Variants in AOPEP observed in about 807,000 individuals in gnomAD.
AOPEP encodes aminopeptidase O (putative).
Under a neutral mutation model 98.1 loss-of-function variants are expected in AOPEP, and 77 were observed. That is an observed-to-expected ratio of 0.78 (90% confidence interval 0.65 to 0.95). The LOEUF (loss-of-function observed/expected upper bound fraction) is 0.95, where lower values mean the gene tolerates loss of function less well. Among genes scored for constraint, AOPEP ranks in the 40% least tolerant of loss-of-function variants. AOPEP has a pLI of 0.00. For missense variants in AOPEP, 1,024 were observed against 1,024.7 expected, an observed-to-expected ratio of 1.00 and a Z score of 0.01; for synonymous variants, 346 against 365.3, an observed-to-expected ratio of 0.95 and a Z score of 0.60.
At chr9:95,131,015 C>T in the AOPEP span, among the ~76,000 whole-genome samples, 2 of 152,134 alleles carry the variant, frequency 1.3e-5, no homozygotes, top group African/African-American at 4.8e-5. Flanking sequence ...TGTTTTAAAA[C>T]ATTCAGGTTC....
chr9:94,783,233 G>A (rs1334455807), intron 3 of AOPEP, among the ~76,000 whole-genome samples: 1 of 152,172 alleles, frequency 6.6e-6, no homozygotes, highest in Admixed American at 6.5e-5. Context: ...AGCAGATGGC[G>A]CTCTTTTACC....
intron 13 of AOPEP, among the ~76,000 whole-genome samples, chr9:95,018,178 G>A (rs995565888): frequency 1.3e-5 from 2 of 152,120 alleles, no homozygotes; most frequent in African/African-American, 4.8e-5. Flanking sequence ...CTATATGGCA[G>A]GTATATGTTT....
At chr9:95,146,265 C>T in the AOPEP span, among the ~76,000 whole-genome samples, 4 of 151,902 alleles carry the variant, frequency 2.6e-5, no homozygotes, top group African/African-American at 4.8e-5. Context: ...GACAGGCAGA[C>T]TCCTTGAGCC....
chr9:95,039,825 A>G (rs1315771442), intron 13 of AOPEP, among the ~76,000 whole-genome samples: 1 of 152,166 alleles, frequency 6.6e-6, no homozygotes, highest in African/African-American at 2.4e-5. Flanking sequence ...ATTTATTGTC[A>G]AGAACAATGA....
At chr9:94,939,795 C>T (rs1296295860) in intron 7 of AOPEP, among the ~76,000 whole-genome samples, 2 of 152,174 alleles carry the variant, frequency 1.3e-5, no homozygotes, top group African/African-American at 2.4e-5. Flanking sequence ...ACCAAAATCT[C>T]AGGATGCATA....
chr9:94,908,897 A>T (rs776253002), intron 5 of AOPEP, among the ~76,000 whole-genome samples: 3 of 152,326 alleles, frequency 2.0e-5, no homozygotes, highest in Middle Eastern at 3.4e-3. Flanking sequence ...TGTTCATCTT[A>T]TTCCAATATT....
At chr9:94,953,921 C>G (rs1460299166) in intron 7 of AOPEP, among the ~76,000 whole-genome samples, 1 of 152,138 alleles carries the variant, frequency 6.6e-6, no homozygotes, top group Non-Finnish European at 1.5e-5. Context: ...GGATCTGTTA[C>G]ATTTTATTTA....
At chr9:94,898,751 G>A (rs1161381054) in intron 5 of AOPEP, among the ~76,000 whole-genome samples, 2 of 151,744 alleles carry the variant, frequency 1.3e-5, no homozygotes, top group Non-Finnish European at 2.9e-5. Context: ...AGACCATCCT[G>A]GCTAACACAG....
rs1405553118 is a variant in AOPEP at position 94,773,076 on chromosome 9, T to C, written c.872T>C (p.Met291Thr). The C allele has an allele frequency of 1.9e-6, 3 of 1,614,054 alleles. No homozygotes were observed. Among genetic ancestry groups the C allele is most frequent in the South Asian group, 2.2e-5 (2 of 91,084 alleles). ...LFPCQEPPVA[M>T]STWQATVRAA... is the part of the protein sequence containing the mutation. ...CCATGCCAGGAGCCACCCGTTGCCA[T>C]GTCAACATGGCAGGCTACAGTTCGA... Residue 291 changes from methionine to threonine, a missense_variant, in exon 3 of 17, where the codon ATG becomes ACG. By Grantham distance (81) the Met-to-Thr change is moderately conservative (BLOSUM62 -1). Transcript: ENST00000375315.
the AOPEP span, chr9:95,100,570 G>T: frequency 1.3e-5 from 3 of 231,054 alleles, no homozygotes; most frequent in Non-Finnish European, 2.6e-5. Flanking sequence ...ATTCCAGAAT[G>T]TCCCTGAAAG....
intron 7 of AOPEP, among the ~76,000 whole-genome samples, chr9:94,936,701 G>A (rs1023531904): frequency 6.6e-6 from 1 of 152,126 alleles, no homozygotes; most frequent in African/African-American, 2.4e-5. Context: ...CACAGGGTGA[G>A]GGCTCAGTCC....
At chr9:95,109,423 A>T in the AOPEP span, among the ~76,000 whole-genome samples, 2 of 152,172 alleles carry the variant, frequency 1.3e-5, no homozygotes, top group Admixed American at 1.3e-4. Flanking sequence ...CCACAGGGTT[A>T]AAGGGTATGA....
chr9:94,847,049 G>T (rs1588515281), intron 5 of AOPEP, among the ~76,000 whole-genome samples: 2 of 151,878 alleles, frequency 1.3e-5, no homozygotes, highest in South Asian at 4.2e-4. Flanking sequence ...CACACAGAAG[G>T]TTTACCCACT....
At chr9:95,097,995 G>A in the AOPEP span, among the ~76,000 whole-genome samples, 4 of 152,194 alleles carry the variant, frequency 2.6e-5, no homozygotes, top group Non-Finnish European at 5.9e-5. Flanking sequence ...CGGGCTGGGG[G>A]AGGTGGTCCT....
chr9:94,728,239 G>GCACACACACACACACACACACA (rs78505500), intron 1 of AOPEP, among the ~76,000 whole-genome samples: 2 of 146,604 alleles, frequency 1.4e-5, no homozygotes, highest in East Asian at 2.0e-4. Context: ...GTGCGCGCAT[G>GCACACACACACACACACACACA]CACACACACA....
chr9:95,005,960 C>T (rs1564512723), intron 13 of AOPEP: 2 of 486,980 alleles, frequency 4.1e-6, no homozygotes, highest in Non-Finnish European at 4.1e-6. Flanking sequence ...ATAAATCGCC[C>T]ACAGTATTAG....
intron 5 of AOPEP, among the ~76,000 whole-genome samples, chr9:94,853,823 C>A (rs1437899053): frequency 6.6e-6 from 1 of 152,268 alleles, no homozygotes; most frequent in South Asian, 2.1e-4. Flanking sequence ...ATAGGGTATT[C>A]TTCATCAGAC....
At chr9:94,811,172 G>T (rs1364950475) in intron 5 of AOPEP, among the ~76,000 whole-genome samples, 1 of 152,234 alleles carries the variant, frequency 6.6e-6, no homozygotes, top group South Asian at 2.1e-4. Context: ...AACTCAGAGC[G>T]GGGGAATGGA....
chr9:95,128,221 T>C, the AOPEP span, among the ~76,000 whole-genome samples: 4 of 152,176 alleles, frequency 2.6e-5, no homozygotes, highest in Non-Finnish European at 5.9e-5. Flanking sequence ...GTATTCATAA[T>C]GAAAAAATAA....
Sources: gnomAD v4.1 joint callset for allele counts (sites outside exome capture counted in the v4.1 genomes callset) on GRCh38, gnomAD v4.1.1 for gene constraint, MANE v1.5 for transcripts, NCBI Gene and HGNC (gene_info 2026-07-23, HGNC 2026-07-21) for gene names.